Variants in BMPR1B observed in about 807,000 individuals in gnomAD.
The protein encoded by BMPR1B is bone morphogenetic protein receptor type 1B.
Under a neutral mutation model 59.1 loss-of-function variants are expected in BMPR1B, and 12 were observed. The observed-to-expected ratio is 0.20, with a 90% CI of 0.13 to 0.33. BMPR1B has a LOEUF of 0.33. BMPR1B is among the 10% of genes least tolerant of loss of function. The pLI is 1.00. For missense variants in BMPR1B, 550 were observed against 610.9 expected (o/e 0.90, Z 1.05); for synonymous variants, 237 against 207.3 (o/e 1.14, Z -1.23).
intron 2 of BMPR1B, among the ~76,000 whole-genome samples, chr4:94,882,978 A>ATGTGTG (rs112253431): frequency 0.022 from 3,238 of 144,532 alleles, 61 homozygotes; most frequent in Admixed American, 0.062. Context: ...GTGTGTGTGT[A>ATGTGTG]TGTGTGTGTG....
intron 3 of BMPR1B, among the ~76,000 whole-genome samples, chr4:95,012,627 A>C (rs531553003): frequency 3.9e-5 from 6 of 152,186 alleles, no homozygotes; most frequent in African/African-American, 7.2e-5. Context: ...GCATAGAGAC[A>C]GTTATTTTTG....
chr4:94,908,252 T>C (rs1728135730), intron 2 of BMPR1B, among the ~76,000 whole-genome samples: 1 of 151,732 alleles, frequency 6.6e-6, no homozygotes, highest in Non-Finnish European at 1.5e-5. Flanking sequence ...GTCAGAATTA[T>C]GGAATTTTGT....
At position 95,093,528 on chromosome 4, in the gene BMPR1B, CTCT is replaced by C. The variant is rs1401190017; in HGVS notation, c.-17-10875_-17-10873del. On this transcript the variant is annotated intron_variant, in intron 3 of 12. Coordinates refer to ENST00000515059, the MANE Select transcript of BMPR1B (RefSeq NM_001203.3). ...TCTGTTGACTTGTATGTCATATTTA[CTCT>C]TCTTATGATTTTTTTATGTCATAGT... is the stretch of plus-strand genomic sequence containing the variant. Among the ~76,000 whole-genome samples the C allele has an allele frequency of 9.2e-5, 14 of 151,936 alleles. No homozygotes were observed. In the East Asian group the frequency reaches 1.7e-3, roughly 19 times the overall value.
At chr4:94,761,582 T>C (rs553847574) in intron 1 of BMPR1B, among the ~76,000 whole-genome samples, 1 of 152,216 alleles carries the variant, frequency 6.6e-6, no homozygotes, top group Admixed American at 6.5e-5. Context: ...CTGTTTTACA[T>C]ATCAGACTTC....
intron 1 of BMPR1B, among the ~76,000 whole-genome samples, chr4:94,843,632 T>C (rs888897284): frequency 3.3e-5 from 5 of 152,132 alleles, no homozygotes; most frequent in African/African-American, 1.2e-4. Flanking sequence ...ATCTTTTGGT[T>C]ATTATTGTAT....
At chr4:94,990,703 G>T (rs1269754054) in intron 2 of BMPR1B, among the ~76,000 whole-genome samples, 25 of 151,774 alleles carry the variant, frequency 1.6e-4, no homozygotes, top group African/African-American at 6.1e-4. Flanking sequence ...TGTTGTTGTT[G>T]TTTTTTATAC....
At chr4:94,780,946 C>G (rs537853702) in intron 1 of BMPR1B, among the ~76,000 whole-genome samples, 1 of 152,164 alleles carries the variant, frequency 6.6e-6, no homozygotes, top group East Asian at 1.9e-4. Flanking sequence ...CCTCGGCCTC[C>G]CAAAGTTCTG....
At chr4:94,933,128 G>A (rs941201444) in intron 2 of BMPR1B, among the ~76,000 whole-genome samples, 3 of 151,948 alleles carry the variant, frequency 2.0e-5, no homozygotes, top group Non-Finnish European at 2.9e-5. Context: ...ATATTCGTAT[G>A]TATTAGAATT....
At chr4:94,813,485 C>T (rs1723897792) in intron 1 of BMPR1B, among the ~76,000 whole-genome samples, 2 of 152,030 alleles carry the variant, frequency 1.3e-5, no homozygotes, top group Non-Finnish European at 2.9e-5. Context: ...GGTGACATGG[C>T]TGGGAGAGTT....
intron 2 of BMPR1B, among the ~76,000 whole-genome samples, chr4:94,934,360 G>A (rs1386201346): frequency 1.3e-5 from 2 of 151,418 alleles, no homozygotes; most frequent in African/African-American, 4.9e-5. Context: ...CTAATCAACT[G>A]GAGTTTTTCT....
intron 11 of BMPR1B, among the ~76,000 whole-genome samples, chr4:95,150,059 T>G (rs1734931212): frequency 6.6e-6 from 1 of 152,206 alleles, no homozygotes; most frequent in Admixed American, 6.5e-5. Flanking sequence ...GAAGAAACAG[T>G]TAATCAACCT....
At chr4:94,814,964 C>T (rs966957692) in intron 1 of BMPR1B, among the ~76,000 whole-genome samples, 7 of 151,834 alleles carry the variant, frequency 4.6e-5, no homozygotes, top group Non-Finnish European at 1.0e-4. Context: ...AGTGCAATGG[C>T]GCCATCTTGG....
At chr4:94,947,546 C>T (rs1232093428) in intron 2 of BMPR1B, among the ~76,000 whole-genome samples, 1 of 152,188 alleles carries the variant, frequency 6.6e-6, no homozygotes, top group Non-Finnish European at 1.5e-5. Flanking sequence ...TCCTTGAAAG[C>T]TGGAGTACTT....
chr4:95,079,203 A>G (rs1018662956), intron 3 of BMPR1B, among the ~76,000 whole-genome samples: 1 of 152,222 alleles, frequency 6.6e-6, no homozygotes, highest in Admixed American at 6.5e-5. Flanking sequence ...AAATACACAC[A>G]ATTGAGATAG....
intron 2 of BMPR1B, among the ~76,000 whole-genome samples, chr4:94,894,248 G>T (rs1187654655): frequency 1.3e-5 from 2 of 152,016 alleles, no homozygotes; most frequent in African/African-American, 2.4e-5. Context: ...TACTCATTGT[G>T]TGTTGGAGAT....
Position 95,148,899 on chromosome 4 carries a change from G to C in BMPR1B, c.1228G>C (p.Val410Leu), listed in dbSNP as rs746134819. 6.2e-7 allele frequency: 1 copy of C among 1,614,000 alleles called. No individual in the cohort carries two copies. The highest frequency in any genetic ancestry group is 8.5e-7 in the Non-Finnish European group (1 of 1,179,910). ...TAGTTTTGGCCTCATCCTTTGGGAG[G>C]TTGCTAGGAGATGTGTATCAGGAGG... ...MYSFGLILWE[V>L]ARRCVSGGIV... The change falls in exon 11 of 13, where the codon GTT (valine) becomes CTT (leucine). Residue 410 changes from valine (V) to leucine (L), a missense_variant. Physicochemically the swap from Val to Leu is conservative, Grantham distance 32. Coordinates refer to ENST00000515059, the MANE Select transcript of BMPR1B (RefSeq NM_001203.3).
At chr4:94,952,543 G>T (rs1049188278) in intron 2 of BMPR1B, among the ~76,000 whole-genome samples, 1 of 152,196 alleles carries the variant, frequency 6.6e-6, no homozygotes, top group Admixed American at 6.5e-5. Flanking sequence ...GGAGCAGGTT[G>T]TTCAGTTTCC....
intron 2 of BMPR1B, among the ~76,000 whole-genome samples, chr4:94,930,857 T>G (rs1430304290): frequency 6.6e-6 from 1 of 152,156 alleles, no homozygotes; most frequent in African/African-American, 2.4e-5. Flanking sequence ...AAATGAGGCC[T>G]TATTGTGACA....
At chr4:95,021,015 A>C (rs1221830659) in intron 3 of BMPR1B, among the ~76,000 whole-genome samples, 1 of 152,152 alleles carries the variant, frequency 6.6e-6, no homozygotes, top group East Asian at 1.9e-4. Flanking sequence ...GTGTCTGGCT[A>C]TCTTATTTAT....
Sources: allele counts gnomAD v4.1 joint callset (sites outside exome capture counted in the v4.1 genomes callset), GRCh38; gene constraint gnomAD v4.1.1; transcripts MANE v1.5; gene names NCBI Gene and HGNC (gene_info 2026-07-23, HGNC 2026-07-21).